Variants in SGSM2 observed in about 807,000 individuals in gnomAD.
SGSM2 encodes the protein RUN and TBC1 domain containing 1.
In SGSM2, 89 loss-of-function variants were observed where a neutral mutation model predicts 126.6. That is an observed-to-expected ratio of 0.70 (90% CI 0.59 to 0.84). SGSM2 has a LOEUF of 0.84. Ranked by LOEUF, SGSM2 falls within the 40% of genes least tolerant of loss-of-function variation. The pLI, the probability that SGSM2 is intolerant of heterozygous loss-of-function variation, is 0.00. For missense variants in SGSM2, 1,404 were observed against 1,416.6 expected (o/e 0.99, Z 0.14); for synonymous variants, 614 against 574.3 (o/e 1.07, Z -0.99).
intron 16 of SGSM2, 27 bp downstream of exon 16, chr17:2,373,108 TGA>T: frequency 1.4e-6 from 1 of 731,678 alleles, no homozygotes; most frequent in Non-Finnish European, 1.8e-6. Context: ...CCCATGGGGC[TGA>T]TGAGATGGGG....
intron 2 of SGSM2, among the ~76,000 whole-genome samples, chr17:2,357,804 T>TC (rs2065143060): frequency 6.6e-6 from 1 of 152,194 alleles, no homozygotes; most frequent in African/African-American, 2.4e-5. Context: ...GCCACTAAAG[T>TC]CATGTTTCTC....
At chr17:2,370,980 G>C (rs750029631) in intron 12 of SGSM2, among the ~76,000 whole-genome samples, 7 of 152,170 alleles carry the variant, frequency 4.6e-5, no homozygotes, top group Non-Finnish European at 1.0e-4. Context: ...TCGCAGGATA[G>C]AGCTAGGCAC....
In SGSM2 at chr17:2,380,379, C is replaced by T. The variant is rs779019725; in HGVS notation, c.*859C>T. ...AGGGTGACTCTGTCGGGGAAGAATC[C>T]GGTCACAGCCTCCCCTCAGAGACAG... On this transcript the variant is annotated 3_prime_UTR_variant, in exon 24 of 24. Coordinates refer to ENST00000268989, the MANE Select transcript of SGSM2 (RefSeq NM_014853.3). 4.3e-5 allele frequency: 58 copies of T among 1,339,716 alleles called. No individual in the cohort carries two copies. The highest frequency in any genetic ancestry group is 2.1e-4 in the South Asian group (17 of 79,890). The allele number at this position is 1,339,716 out of a possible 1,614,324, so 83.0% of individuals were successfully genotyped here.
rs532054148 is a variant in SGSM2, at chr17:2,365,909, C to T, written c.1288+568C>T. The stretch of plus-strand genomic sequence containing the variant: ...TACAGGCGCACACCTCCATGCCCGG[C>T]TAATTTTTGTATTTTTAGTAGAGAT... On this transcript the variant is annotated intron_variant, in intron 11 of 23. Coordinates refer to ENST00000268989, the MANE Select transcript of SGSM2 (RefSeq NM_014853.3). Among the ~76,000 whole-genome samples, 7 of 152,248 alleles carry T rather than the reference C, an allele frequency of 4.6e-5. No individual in the cohort carries two copies. The South Asian group carries it at 1.2e-3, about 27-fold the overall frequency.
In SGSM2 at chr17:2,372,114, G is replaced by C. The variant is rs2065898377; in HGVS notation, c.1578-76G>C. On this transcript the variant is annotated intron_variant, in intron 13 of 23. Coordinates refer to ENST00000268989, the MANE Select transcript of SGSM2 (RefSeq NM_014853.3). This position sits in a 1 kb window ranked among gnomAD's most constrained non-coding sequence, Gnocchi z 6.0. ...AGTGCCTTACCTGCCCCCCAGGACA[G>C]AGCCTCCTCCCTTCTCTCTCTCCTC... 5.1e-6 allele frequency: 8 copies of C among 1,564,330 alleles called. No individual in the cohort carries two copies. The highest frequency in any genetic ancestry group is 7.0e-6 in the Non-Finnish European group (8 of 1,140,856).
At chr17:2,377,580 T>C (rs926377672) in intron 21 of SGSM2, 3 of 293,214 alleles carry the variant, frequency 1.0e-5, no homozygotes, top group South Asian at 5.4e-5. Context: ...TGGCGAACAG[T>C]AGGGGTTGCT....
At chr17:2,350,130 C>T (rs962791577) in intron 2 of SGSM2, among the ~76,000 whole-genome samples, 1 of 151,768 alleles carries the variant, frequency 6.6e-6, no homozygotes, top group Non-Finnish European at 1.5e-5. Flanking sequence ...CCATGATGCC[C>T]AGACTGGTCT....
At position 2,361,074 on chromosome 17, in the gene SGSM2, T is replaced by G. The variant is rs1453290634; in HGVS notation, c.134-563T>G. 3.3e-5 allele frequency among the ~76,000 whole-genome samples: 5 copies of G among 152,320 alleles called. No individual in the cohort carries two copies. In the South Asian group the frequency reaches 6.2e-4, roughly 19 times the overall value. ...GTCTGTGGAAAGTCCAGACAGAGAC[T>G]AAGCCTAACCCTAAACCATGAATGA... On this transcript the variant is annotated intron_variant, in intron 2 of 23. Transcript: ENST00000268989.
Position 2,376,792 on chromosome 17 carries a change from C to G in SGSM2, c.2669C>G (p.Pro890Arg). ...CAGGGCATGTGCGATCTGCTGGCGC[C>G]TCTCCTGGTCACCCTCGACAATGGT... is the stretch of plus-strand genomic sequence containing the variant. Reference protein sequence around the residue: ...YVQGMCDLLAPLLVTLDNDQL... With the variant: ...YVQGMCDLLARLLVTLDNDQL... The change falls in exon 20 of 24, where the codon CCT becomes CGT. Residue 890 changes from proline (P) to arginine (R), a missense_variant. Transcript: ENST00000268989. The G allele has an allele frequency of 6.2e-7, 1 of 1,614,106 alleles. No homozygotes were observed. Among genetic ancestry groups the G allele is most frequent in the East Asian group, 2.2e-5 (1 of 44,890 alleles).
chr17:2,369,945 T>C (rs1311497103), intron 12 of SGSM2, among the ~76,000 whole-genome samples: 1 of 152,132 alleles, frequency 6.6e-6, no homozygotes, highest in Non-Finnish European at 1.5e-5. Context: ...CTGGTGGAGC[T>C]GAAGGGCCAG....
At chr17:2,343,677 T>C in intron 2 of SGSM2, 57 bp downstream of exon 2, 1 of 1,513,024 alleles carries the variant, frequency 6.6e-7, no homozygotes, top group Non-Finnish European at 9.2e-7. Context: ...GACACTGGCC[T>C]GGGGCCAGGA....
Position 2,367,154 on chromosome 17 carries a change from GTGCCCTGC to G in SGSM2, c.1289-116_1289-109del. 1 of 1,201,768 alleles carries G rather than the reference GTGCCCTGC, an allele frequency of 8.3e-7. No homozygotes were observed. The highest frequency in any genetic ancestry group is 1.1e-6 in the Non-Finnish European group (1 of 875,384). 74.4% of individuals were successfully genotyped at this position (1,201,768 alleles called of 1,614,324 possible). A position where few individuals can be genotyped will look rare whatever the true frequency, so the allele number is the denominator to read the frequency against. ...CTGGTCCCCTCCCTTCCCCTCTTCT[GTGCCCTGC>G]AGATTCACGATGACCCCGGCCTCCA... On this transcript the variant is annotated intron_variant, in intron 11 of 23. Transcript: ENST00000268989. This position sits in a 1 kb window ranked among gnomAD's most constrained non-coding sequence, Gnocchi z 4.0.
chr17:2,342,716 G>A (rs913743738), intron 1 of SGSM2, among the ~76,000 whole-genome samples: 2 of 147,852 alleles, frequency 1.4e-5, no homozygotes, highest in African/African-American at 2.5e-5. Flanking sequence ...AGTGGCTCAC[G>A]CCTGTAATCC....
At position 2,363,466 on chromosome 17, in the gene SGSM2, T is replaced by A; in HGVS notation, c.674T>A (p.Ile225Asn). 1 of 1,613,108 alleles carries A rather than the reference T, an allele frequency of 6.2e-7. No homozygotes were observed. The highest frequency in any genetic ancestry group is 1.1e-5 in the South Asian group (1 of 91,078). The change falls in exon 7 of 24, where the codon ATC becomes AAC. Residue 225 changes from isoleucine (I) to asparagine (N), a missense_variant and splice_region_variant. Coordinates refer to ENST00000268989, the MANE Select transcript of SGSM2 (RefSeq NM_014853.3). The surrounding 1 kb of genome is among the most constrained non-coding windows in gnomAD (Gnocchi z 4.2). ...GCTGAGCCCCGGCCTTCCACACAGATCCGGAAACGGCACTCAAGCGGCAGC... is the reference window on the plus strand; with the variant it reads ...GCTGAGCCCCGGCCTTCCACACAGAACCGGAAACGGCACTCAAGCGGCAGC... Reference protein sequence around the residue: ...DSPAKRPALGIRKRHSSGSAS... With the variant: ...DSPAKRPALGNRKRHSSGSAS...
chr17:2,376,435 T>C, intron 19 of SGSM2, 174 bp downstream of exon 19: 3 of 766,162 alleles, frequency 3.9e-6, no homozygotes, highest in Non-Finnish European at 6.2e-6. Context: ...TCTTCATTCT[T>C]AGGGGCCTAC....
In SGSM2 at chr17:2,361,623, C is replaced by T. The variant is rs2065311663; in HGVS notation, c.134-14C>T. 6.2e-7 allele frequency: 1 copy of T among 1,612,692 alleles called. No homozygotes were observed. Among genetic ancestry groups the T allele is most frequent in the Admixed American group, 1.7e-5 (1 of 59,876 alleles). ...CTTTCCCAGGCTCAGATGCCGTTTC[C>T]CTTTGTGGCCTAGGTGCAGTGGAGG... On this transcript the variant is annotated splice_polypyrimidine_tract_variant and intron_variant, in intron 2 of 23. Coordinates refer to ENST00000268989, the MANE Select transcript of SGSM2 (RefSeq NM_014853.3).
At chr17:2,365,153 G>T (rs2065500766) in intron 10 of SGSM2, 62 bp from the exon 11 acceptor site, 1 of 1,590,346 alleles carries the variant, frequency 6.3e-7, no homozygotes, top group African/African-American at 1.3e-5. Context: ...GAGCGGCCTT[G>T]TGTGGAACCC....
chr17:2,376,466 A>C, intron 19 of SGSM2: 1 of 674,546 alleles, frequency 1.5e-6, no homozygotes. Flanking sequence ...CTTCAGCCAC[A>C]CCTCTTCAGG....
rs1174363119 is a variant in SGSM2, at chr17:2,376,714, C to T, written c.2610-19C>T. 6.2e-7 allele frequency: 1 copy of T among 1,613,160 alleles called. No homozygotes were observed. The highest frequency in any genetic ancestry group is 1.3e-5 in the African/African-American group (1 of 74,978). On this transcript the variant is annotated intron_variant, in intron 19 of 23. Coordinates refer to ENST00000268989, the MANE Select transcript of SGSM2 (RefSeq NM_014853.3). ...GAAGAATGGGGCACAGCCACAGTGA[C>T]TCTCCCCCTGCCTTTCAGCTACGTG...
Sources: allele counts gnomAD v4.1 joint callset (sites outside exome capture counted in the v4.1 genomes callset), GRCh38; gene constraint gnomAD v4.1.1; non-coding constraint Gnocchi (gnomAD v3.1); transcripts MANE v1.5; gene names NCBI Gene and HGNC (gene_info 2026-07-23, HGNC 2026-07-21).